The following ZNF93 variants were observed in gnomAD, a reference collection of about 807,000 sequenced individuals.
ZNF93 encodes zinc finger protein 505.
A neutral mutation model predicts 45.0 loss-of-function variants in ZNF93; 29 were observed. The ratio of observed to expected loss-of-function variants is 0.64; its 90% CI spans 0.48 to 0.88. The LOEUF is 0.88. Ranked by LOEUF, ZNF93 falls within the 40% of genes least tolerant of loss-of-function variation. The pLI is 0.00. For synonymous variants in ZNF93, 223 were observed against 244.6 expected (o/e 0.91, Z 0.82); for missense variants, 578 against 724.0 (o/e 0.80, Z 2.31).
chr19:19,929,373 A>G (rs887922073), intron 3 of ZNF93, among the ~76,000 whole-genome samples: 3 of 152,108 alleles, frequency 2.0e-5, no homozygotes, highest in African/African-American at 7.2e-5. Context: ...AATGTTGTCT[A>G]AGTTTTTTGG....
At chr19:19,912,968 A>T (rs910817570) in intron 1 of ZNF93, among the ~76,000 whole-genome samples, 1 of 152,200 alleles carries the variant, frequency 6.6e-6, no homozygotes, top group African/African-American at 2.4e-5. Flanking sequence ...TCCTCTGTAA[A>T]TTTTAAAGAG....
rs563849616 is a variant in ZNF93, at chr19:19,930,543, C to G, written c.227-2639C>G. ...TGACACTGAGGCTACTGCTAGACCGCGGTCTGCTAGGCAACGGGCGTCTTC... is the reference window on the plus strand; with the variant it reads ...TGACACTGAGGCTACTGCTAGACCGGGGTCTGCTAGGCAACGGGCGTCTTC... On this transcript the variant is annotated intron_variant, in intron 3 of 3. Transcript: ENST00000343769. Among the ~76,000 whole-genome samples the G allele has an allele frequency of 4.3e-5, 6 of 140,356 alleles. No individual in the cohort carries two copies. In the East Asian group the frequency reaches 1.7e-3, roughly 39 times the overall value. The allele number at this position is 140,356 out of a possible 152,430, so 92.1% of individuals were successfully genotyped here. A position where few individuals can be genotyped will look rare whatever the true frequency, so the allele number is the denominator to read the frequency against.
At chr19:19,917,768 G>A (rs570754345) in intron 3 of ZNF93, among the ~76,000 whole-genome samples, 1 of 152,076 alleles carries the variant, frequency 6.6e-6, no homozygotes, top group Admixed American at 6.5e-5. Flanking sequence ...CACCCGCCTT[G>A]GCCTTTCAAT....
At chr19:19,915,460 C>T (rs2063321126) in intron 2 of ZNF93, 54 bp downstream of exon 2, 1 of 1,551,950 alleles carries the variant, frequency 6.4e-7, no homozygotes, top group South Asian at 1.2e-5. Context: ...TTTTATTTCT[C>T]TTTTTTGTAG....
At position 19,905,881 on chromosome 19, in the gene ZNF93, C is replaced by T. The variant is rs185068855; in HGVS notation, c.3+4790C>T. On this transcript the variant is annotated intron_variant, in intron 1 of 3. Transcript: ENST00000343769. ...TGCTGGGATTACAGGCATGAGCCAC[C>T]GCATCTGACCATACTGTATTTTCTT... Among the ~76,000 whole-genome samples, 277 of 152,270 alleles carry T rather than the reference C, an allele frequency of 1.8e-3. 1 individual carries two copies. Among genetic ancestry groups the T allele is most frequent in the Non-Finnish European group, 2.8e-4 (19 of 68,026 alleles).
At chr19:19,931,903 C>A in intron 3 of ZNF93, 1 of 283,350 alleles carries the variant, frequency 3.5e-6, no homozygotes, top group Non-Finnish European at 6.8e-6. Context: ...AAAGTTAAAA[C>A]AATATATTTT....
At chr19:19,911,801 T>A (rs6511057) in intron 1 of ZNF93, among the ~76,000 whole-genome samples, 29,108 of 151,710 alleles carry the variant, frequency 0.19, 5,828 homozygotes, top group African/African-American at 0.51. Context: ...CTGGTCTGGC[T>A]TGCAGTGGCA....
rs2063268931 is a variant in ZNF93, at chr19:19,901,083, C to T, written c.-6C>T. On this transcript the variant is annotated 5_prime_UTR_variant, in exon 1 of 4. Transcript: ENST00000343769. Reference sequence around the variant, plus strand: ...CTAAGACACCAGGACCCCTGGAAGCCTAGAAATGGTGAGAGTGCCGGTCCG... The same window carrying T: ...CTAAGACACCAGGACCCCTGGAAGCTTAGAAATGGTGAGAGTGCCGGTCCG... 3 of 1,613,370 alleles carry T rather than the reference C, an allele frequency of 1.9e-6. No individual in the cohort carries two copies. The highest frequency in any genetic ancestry group is 1.7e-5 in the Admixed American group (1 of 59,994).
Position 19,915,981 on chromosome 19 carries a change from A to G in ZNF93, c.130+575A>G, listed in dbSNP as rs183962107. Among the ~76,000 whole-genome samples the G allele has an allele frequency of 2.7e-3, 417 of 152,300 alleles. 8 individuals carry two copies. The highest frequency in any genetic ancestry group is 0.012 in the Admixed American group (179 of 15,294). Reference sequence around the variant, plus strand: ...CGTAAAATATTGTAGCCCCCACCTGAAAATCTAAATGCCACCACCAATTTT... The same window carrying G: ...CGTAAAATATTGTAGCCCCCACCTGGAAATCTAAATGCCACCACCAATTTT... On this transcript the variant is annotated intron_variant, in intron 2 of 3. Coordinates refer to ENST00000343769, the MANE Select transcript of ZNF93 (RefSeq NM_031218.4).
intron 3 of ZNF93, among the ~76,000 whole-genome samples, chr19:19,920,905 T>G (rs1318784400): frequency 6.6e-6 from 1 of 152,224 alleles, no homozygotes; most frequent in Non-Finnish European, 1.5e-5. Context: ...CCTGGATTCA[T>G]TGATTTTTTG....
rs1473287241 is a variant in ZNF93, at chr19:19,934,002, C to T, written c.1047C>T (p.Ala349=). The change falls in exon 4 of 4, where the codon GCC becomes GCT. Residue 349 remains alanine (A), a synonymous_variant. Transcript: ENST00000343769. ...KPYKCNKCGK[A]FIASSTLSRH... is the part of the protein sequence containing the mutation. The stretch of plus-strand genomic sequence containing the variant: ...ACAAGTGTAATAAATGTGGCAAAGC[C>T]TTTATTGCATCCTCAACCCTTAGTA... 1.2e-6 allele frequency: 2 copies of T among 1,612,150 alleles called. No homozygotes were observed. The highest frequency in any genetic ancestry group is 2.7e-5 in the African/African-American group (2 of 74,620).
chr19:19,931,231 C>G (rs550622363), intron 3 of ZNF93, among the ~76,000 whole-genome samples: 1 of 150,946 alleles, frequency 6.6e-6, no homozygotes, highest in African/African-American at 2.4e-5. Flanking sequence ...CTCTTGTTGC[C>G]CAGGCTGGAG....
chr19:19,907,379 A>C (rs2063295919), intron 1 of ZNF93, among the ~76,000 whole-genome samples: 1 of 152,212 alleles, frequency 6.6e-6, no homozygotes, highest in African/African-American at 2.4e-5. Context: ...AAATATTTGC[A>C]GGCTGAAGTG....
At position 19,900,984 on chromosome 19, in the gene ZNF93, C is replaced by G; in HGVS notation, c.-105C>G. 4 of 1,554,600 alleles carry G rather than the reference C, an allele frequency of 2.6e-6. No homozygotes were observed. The highest frequency in any genetic ancestry group is 2.3e-5 in the East Asian group (1 of 44,338). Reference sequence around the variant, plus strand: ...GCCGGAGCTCCAGGTCTCCTCTTCACTACTCTGTGTCCTGTGCTCCTACAG... The same window carrying G: ...GCCGGAGCTCCAGGTCTCCTCTTCAGTACTCTGTGTCCTGTGCTCCTACAG... On this transcript the variant is annotated 5_prime_UTR_variant, in exon 1 of 4. Coordinates refer to ENST00000343769, the MANE Select transcript of ZNF93 (RefSeq NM_031218.4).
Position 19,933,842 on chromosome 19 carries a change from A to C in ZNF93, c.887A>C (p.Gln296Pro). 1 of 1,613,008 alleles carries C rather than the reference A, an allele frequency of 6.2e-7. No individual in the cohort carries two copies. Among genetic ancestry groups the C allele is most frequent in the Admixed American group, 1.7e-5 (1 of 59,940 alleles). The stretch of plus-strand genomic sequence containing the variant: ...GAAGAATGTGGCAAAGCTTTTAACC[A>C]ATCCTCAACACTTACTAAACATAAG... ...KCEECGKAFN[Q>P]SSTLTKHKKI... Residue 296 changes from glutamine (Q) to proline (P), a missense_variant, in exon 4 of 4, where the codon CAA (glutamine) becomes CCA (proline). Physicochemically the swap from Gln to Pro is moderately conservative, Grantham distance 76 (BLOSUM62 -1). Coordinates refer to ENST00000343769, the MANE Select transcript of ZNF93 (RefSeq NM_031218.4).
chr19:19,906,479 G>T (rs925368219), intron 1 of ZNF93, among the ~76,000 whole-genome samples: 1 of 152,018 alleles, frequency 6.6e-6, no homozygotes, highest in Non-Finnish European at 1.5e-5. Context: ...CCTTTATTTG[G>T]TAGGTTGTCT....
rs1568514939 is a variant in ZNF93, at chr19:19,934,316, A to G, written c.1361A>G (p.Lys454Arg). Residue 454 changes from lysine (K) to arginine (R), a missense_variant, in exon 4 of 4, where the codon AAG (lysine) becomes AGG (arginine). Physicochemically the swap from Lys to Arg is conservative, Grantham distance 26. Coordinates refer to ENST00000343769, the MANE Select transcript of ZNF93 (RefSeq NM_031218.4). ...ATTCATACTGGAAAGAAACCCTACAAGTGTGAAGAATGTGGCAAAGCTTTT... is the reference window on the plus strand; with the variant it reads ...ATTCATACTGGAAAGAAACCCTACAGGTGTGAAGAATGTGGCAAAGCTTTT... ...EIIHTGKKPY[K>R]CEECGKAFNQ... 6.2e-7 allele frequency: 1 copy of G among 1,613,302 alleles called. No individual in the cohort carries two copies. Among genetic ancestry groups the G allele is most frequent in the African/African-American group, 1.3e-5 (1 of 75,008 alleles).
intron 1 of ZNF93, among the ~76,000 whole-genome samples, chr19:19,915,075 A>T (rs2063319493): frequency 1.3e-5 from 2 of 152,186 alleles, no homozygotes; most frequent in African/African-American, 2.4e-5. Flanking sequence ...ATCATATATG[A>T]ACTGATGTTG....
At chr19:19,904,584 C>G (rs1224695074) in intron 1 of ZNF93, among the ~76,000 whole-genome samples, 1 of 152,074 alleles carries the variant, frequency 6.6e-6, no homozygotes, top group Non-Finnish European at 1.5e-5. Context: ...TGTGTGGTGT[C>G]AGAATTCAAA....
Sources: gnomAD v4.1 joint callset for allele counts (sites outside exome capture counted in the v4.1 genomes callset) on GRCh38, gnomAD v4.1.1 for gene constraint, MANE v1.5 for transcripts, NCBI Gene and HGNC (gene_info 2026-07-23, HGNC 2026-07-21) for gene names.